The following PRKN variants were observed in gnomAD, a reference collection of about 807,000 sequenced individuals.
The protein encoded by PRKN is parkin RBR E3 ubiquitin protein ligase.
In PRKN, 56 loss-of-function variants were observed where a neutral mutation model predicts 59.5. The observed-to-expected ratio is 0.94, with a 90% confidence interval of 0.76 to 1.18. The LOEUF is 1.18. Ranked by LOEUF, PRKN falls within the 50% of genes most tolerant of loss-of-function variation. PRKN has a pLI of 0.00. For missense variants in PRKN, 657 were observed against 596.4 expected (o/e 1.10, Z -1.06); for synonymous variants, 250 against 222.1 (o/e 1.13, Z -1.12).
chr6:162,193,769 A>T (rs1784385794), intron 4 of PRKN, among the ~76,000 whole-genome samples: 1 of 152,194 alleles, frequency 6.6e-6, no homozygotes, highest in South Asian at 2.1e-4. Flanking sequence ...TTGATTATTT[A>T]TGAACTGCAC....
At chr6:161,882,484 T>A (rs761415969) in intron 6 of PRKN, among the ~76,000 whole-genome samples, 6 of 152,090 alleles carry the variant, frequency 3.9e-5, no homozygotes, top group Non-Finnish European at 8.8e-5. Flanking sequence ...ACTCCCACAA[T>A]GAGCTCATCC....
intron 1 of PRKN, among the ~76,000 whole-genome samples, chr6:162,704,469 T>C (rs1374106943): frequency 6.6e-6 from 1 of 152,164 alleles, no homozygotes; most frequent in Non-Finnish European, 1.5e-5. Context: ...ATTAGATACA[T>C]GAATGCCTCA....
intron 2 of PRKN, among the ~76,000 whole-genome samples, chr6:162,378,044 G>A (rs1021792385): frequency 4.6e-5 from 7 of 152,064 alleles, no homozygotes; most frequent in Admixed American, 2.6e-4. Flanking sequence ...CTTTCTCGTC[G>A]GGATTCACAC....
rs146296246 is a variant in PRKN at position 161,688,051 on chromosome 6, G to A, written c.871+97721C>T. On this transcript the variant is annotated intron_variant, in intron 7 of 11. Coordinates refer to ENST00000366898, the MANE Select transcript of PRKN (RefSeq NM_004562.3). ...CCTCGTCAGTCTTTCAACCTCCCCC[G>A]CAATTCTCAACCCTGCAATTCAACA... Among the ~76,000 whole-genome samples the A allele has an allele frequency of 5.2e-4, 79 of 151,822 alleles. No homozygotes were observed. In the East Asian group the frequency reaches 0.015, roughly 28 times the overall value.
intron 6 of PRKN, among the ~76,000 whole-genome samples, chr6:161,957,702 C>T (rs558827166): frequency 3.3e-5 from 5 of 152,128 alleles, no homozygotes; most frequent in Non-Finnish European, 5.9e-5. Context: ...GGATTACAGG[C>T]GTGAGTCACC....
intron 2 of PRKN, among the ~76,000 whole-genome samples, chr6:162,307,470 G>A (rs1782286408): frequency 6.7e-6 from 1 of 149,890 alleles, no homozygotes; most frequent in African/African-American, 2.4e-5. Flanking sequence ...TATGTATTAT[G>A]TACATAATAA....
intron 2 of PRKN, among the ~76,000 whole-genome samples, chr6:162,314,211 G>A (rs1410931051): frequency 6.6e-6 from 1 of 152,104 alleles, no homozygotes; most frequent in East Asian, 1.9e-4. Flanking sequence ...GTTGAGTAAA[G>A]GGAAGCTTAG....
intron 7 of PRKN, among the ~76,000 whole-genome samples, chr6:161,637,247 C>T (rs1271140994): frequency 6.6e-6 from 1 of 152,164 alleles, no homozygotes; most frequent in Non-Finnish European, 1.5e-5. Context: ...TTCTGCACCG[C>T]CACTTAAATG....
chr6:162,675,759 C>A (rs1390993106), intron 1 of PRKN, among the ~76,000 whole-genome samples: 1 of 152,052 alleles, frequency 6.6e-6, no homozygotes, highest in Non-Finnish European at 1.5e-5. Flanking sequence ...CTGTAATATA[C>A]TTTTGGGAAG....
intron 5 of PRKN, among the ~76,000 whole-genome samples, chr6:161,995,580 T>C (rs1314242430): frequency 1.3e-5 from 2 of 151,218 alleles, no homozygotes; most frequent in African/African-American, 4.9e-5. Context: ...AATAAACCCA[T>C]CAAAAAGTGA....
intron 1 of PRKN, among the ~76,000 whole-genome samples, chr6:162,446,929 G>A (rs942327882): frequency 2.6e-5 from 4 of 152,164 alleles, no homozygotes; most frequent in Admixed American, 2.6e-4. Context: ...AAGGCAGAAC[G>A]TCTTTAGAGC....
intron 7 of PRKN, among the ~76,000 whole-genome samples, chr6:161,723,095 C>A (rs757399316): frequency 1.3e-5 from 2 of 152,006 alleles, no homozygotes; most frequent in Non-Finnish European, 2.9e-5. Flanking sequence ...ATAGTGAAAC[C>A]CCATCTCTAC....
At chr6:162,696,371 T>G (rs574010158) in intron 1 of PRKN, among the ~76,000 whole-genome samples, 73 of 152,110 alleles carry the variant, frequency 4.8e-4, no homozygotes, top group African/African-American at 1.7e-3. Context: ...CCTTCTTTGC[T>G]TGTGGGTTTT....
intron 5 of PRKN, among the ~76,000 whole-genome samples, chr6:161,980,075 C>G (rs1781204594): frequency 6.6e-6 from 1 of 152,172 alleles, no homozygotes; most frequent in African/African-American, 2.4e-5. Context: ...GGCTTGAAAG[C>G]CCTGCTTATC....
In PRKN at chr6:161,405,664, T is replaced by A. The variant is rs908598403; in HGVS notation, c.1084-18787A>T. On this transcript the variant is annotated intron_variant, in intron 9 of 11. Transcript: ENST00000366898. The surrounding 1 kb of genome is among the most constrained non-coding windows in gnomAD (Gnocchi z 5.1). ...TAAATAAATAAATTTGGGTCCACCA[T>A]AATCAGCATTTTGGGCCAGCTTCCA... 1.3e-5 allele frequency among the ~76,000 whole-genome samples: 2 copies of A among 151,572 alleles called. No homozygotes were observed. Among genetic ancestry groups the A allele is most frequent in the African/African-American group, 2.4e-5 (1 of 41,280 alleles).
At chr6:162,708,173 T>C (rs1390631145) in intron 1 of PRKN, among the ~76,000 whole-genome samples, 15 of 152,228 alleles carry the variant, frequency 9.9e-5, no homozygotes, top group Non-Finnish European at 2.2e-4. Context: ...ATGGTTACTA[T>C]GTTTGATTTT....
chr6:161,500,837 T>G (rs1777931443), intron 9 of PRKN, among the ~76,000 whole-genome samples: 1 of 151,828 alleles, frequency 6.6e-6, no homozygotes, highest in Non-Finnish European at 1.5e-5. Context: ...GTTTGCTAGA[T>G]CATATGGTAA....
chr6:161,654,443 T>C (rs1193733810), intron 7 of PRKN, among the ~76,000 whole-genome samples: 1 of 152,054 alleles, frequency 6.6e-6, no homozygotes, highest in Non-Finnish European at 1.5e-5. Flanking sequence ...CCAGCAGCCA[T>C]GAAGAAGCCT....
chr6:161,886,785 T>C (rs1440000146), intron 6 of PRKN, among the ~76,000 whole-genome samples: 2 of 151,256 alleles, frequency 1.3e-5, no homozygotes, highest in Non-Finnish European at 2.9e-5. Flanking sequence ...TATTTAATAA[T>C]AAAATTCTAG....
Sources: allele counts gnomAD v4.1 joint callset (sites outside exome capture counted in the v4.1 genomes callset), GRCh38; gene constraint gnomAD v4.1.1; non-coding constraint Gnocchi (gnomAD v3.1); transcripts MANE v1.5; gene names NCBI Gene and HGNC (gene_info 2026-07-23, HGNC 2026-07-21).